The following CAPZA1 variants were observed in gnomAD, a reference collection of about 807,000 sequenced individuals.
CAPZA1 encodes the protein F-actin-capping protein subunit alpha-1.
CAPZA1 carries 10 observed loss-of-function variants against 40.8 expected under a neutral mutation model. That is an observed-to-expected ratio of 0.25 (90% CI 0.15 to 0.42). CAPZA1 has a LOEUF of 0.42. CAPZA1 is among the 10% of genes least tolerant of loss of function. The pLI, the probability that CAPZA1 is intolerant of heterozygous loss-of-function variation, is 1.00. For missense variants in CAPZA1, 277 were observed against 353.8 expected, an observed-to-expected ratio of 0.78 and a Z score of 1.74; for synonymous variants, 98 against 115.0, an observed-to-expected ratio of 0.85 and a Z score of 0.95.
intron 1 of CAPZA1, among the ~76,000 whole-genome samples, chr1:112,644,903 A>T (rs1203020249): frequency 6.6e-6 from 1 of 152,200 alleles, no homozygotes; most frequent in Non-Finnish European, 1.5e-5. Context: ...TTTAAGAATC[A>T]AGAAGGAAAG....
At chr1:112,657,870 G>C (rs912752751) in intron 5 of CAPZA1, among the ~76,000 whole-genome samples, 1 of 152,178 alleles carries the variant, frequency 6.6e-6, no homozygotes. Flanking sequence ...GGGGTTACAG[G>C]CTTGAGCCAT....
intron 1 of CAPZA1, among the ~76,000 whole-genome samples, chr1:112,639,657 T>G (rs985928602): frequency 2.0e-5 from 3 of 152,182 alleles, no homozygotes; most frequent in Non-Finnish European, 4.4e-5. Context: ...AGTTTTCATG[T>G]CACTCAGTAG....
At chr1:112,638,670 C>T (rs1671068187) in intron 1 of CAPZA1, among the ~76,000 whole-genome samples, 1 of 151,952 alleles carries the variant, frequency 6.6e-6, no homozygotes, top group Non-Finnish European at 1.5e-5. Context: ...CACAGTGGCT[C>T]GCATCTGTAA....
intron 7 of CAPZA1, 183 bp from the exon 8 acceptor site, chr1:112,666,891 C>G: frequency 3.7e-6 from 2 of 542,060 alleles, no homozygotes; most frequent in Non-Finnish European, 6.6e-6. Context: ...CGTTCTTAAA[C>G]TTAAGTGTTC....
chr1:112,667,128 G>C lies in CAPZA1; in HGVS notation c.640G>C (p.Asp214His), dbSNP rs761663099. The change falls in exon 8 of 10, where the codon GAT (aspartate) becomes CAT (histidine). Residue 214 changes from aspartate (D) to histidine (H), a missense_variant. By Grantham distance (81) the Asp-to-His change is moderately conservative. Around this residue, in one of 2 missense-constraint regions of CAPZA1, gnomAD observed 192 missense variants for 277.2 expected, o/e 0.69. Coordinates refer to ENST00000263168, the MANE Select transcript of CAPZA1 (RefSeq NM_006135.3). The stretch of plus-strand genomic sequence containing the variant: ...GTTGGTTAGTCATAAAGATGTACAG[G>C]ATTCACTAACTGTTTCGGTGAGTAT... ...VQLVSHKDVQDSLTVSNEAQT... is the reference protein window; with the variant it reads ...VQLVSHKDVQHSLTVSNEAQT... The C allele has an allele frequency of 7.5e-6, 12 of 1,609,024 alleles. No individual in the cohort carries two copies. The Admixed American group carries it at 1.7e-4, about 23-fold the overall frequency.
Position 112,649,462 on chromosome 1 carries a change from G to T in CAPZA1, c.148G>T (p.Ala50Ser). ...LNNDNLLREG[A>S]AHAFAQYNMD... The stretch of plus-strand genomic sequence containing the variant: ...TAATGACAATCTCCTCAGGGAAGGG[G>T]CAGCACAGTAAGTATCTTTCCAAAT... The change falls in exon 3 of 10, where the codon GCA becomes TCA. Residue 50 changes from alanine (A) to serine (S), a missense_variant. Physicochemically the swap from Ala to Ser is moderately conservative, Grantham distance 99. Transcript: ENST00000263168. The T allele has an allele frequency of 6.2e-7, 1 of 1,610,660 alleles. No individual in the cohort carries two copies. The highest frequency in any genetic ancestry group is 1.3e-5 in the African/African-American group (1 of 74,906).
chr1:112,657,470 C>T (rs1671520812), intron 5 of CAPZA1, among the ~76,000 whole-genome samples: 1 of 152,204 alleles, frequency 6.6e-6, no homozygotes, highest in African/African-American at 2.4e-5. Context: ...ACTAATGGTT[C>T]CTGAGTTACC....
chr1:112,649,189 C>G (rs1671339647), intron 2 of CAPZA1, among the ~76,000 whole-genome samples: 1 of 152,192 alleles, frequency 6.6e-6, no homozygotes. Context: ...TTTCTGTAAA[C>G]CATGTTTGTC....
chr1:112,658,324 CTT>C (rs1293863985), intron 5 of CAPZA1, among the ~76,000 whole-genome samples: 3 of 152,136 alleles, frequency 2.0e-5, no homozygotes, highest in South Asian at 2.1e-4. Context: ...TTTAGTCACT[CTT>C]GAGTTCCTTC....
chr1:112,657,792 A>G (rs1293287124), intron 5 of CAPZA1, among the ~76,000 whole-genome samples: 1 of 151,946 alleles, frequency 6.6e-6, no homozygotes, highest in Non-Finnish European at 1.5e-5. Flanking sequence ...GGGTTTCACC[A>G]TGTTGGCCGG....
At position 112,670,210 on chromosome 1, in the gene CAPZA1, A is replaced by C. The variant is rs1178721782; in HGVS notation, c.*78A>C. On this transcript the variant is annotated 3_prime_UTR_variant, in exon 10 of 10. Transcript: ENST00000263168. ...GTCATATGATAAATAAGTGATTTAT[A>C]AACAAGAGTGATATTTTGCTAGGGC... 274 of 1,525,744 alleles carry C rather than the reference A, an allele frequency of 1.8e-4. No homozygotes were observed. The highest frequency in any genetic ancestry group is 2.4e-4 in the Non-Finnish European group (270 of 1,109,580). 94.5% of individuals were successfully genotyped at this position (1,525,744 alleles called of 1,614,324 possible).
chr1:112,656,901 A>ATTT (rs1257392180), intron 5 of CAPZA1, among the ~76,000 whole-genome samples: 3 of 139,098 alleles, frequency 2.2e-5, no homozygotes, highest in Admixed American at 7.2e-5. Flanking sequence ...ACTGACAGAA[A>ATTT]TTTTTTTTTT....
chr1:112,668,118 C>G (rs183797021), intron 8 of CAPZA1, among the ~76,000 whole-genome samples: 1 of 151,830 alleles, frequency 6.6e-6, no homozygotes, highest in East Asian at 2.0e-4. Context: ...AACCCTGTCT[C>G]TACAAAAAAA....
At chr1:112,638,961 T>C (rs898045659) in intron 1 of CAPZA1, among the ~76,000 whole-genome samples, 3 of 131,606 alleles carry the variant, frequency 2.3e-5, no homozygotes, top group African/African-American at 1.1e-4. Flanking sequence ...GATAGAGATA[T>C]ATATAGAGAG....
intron 7 of CAPZA1, among the ~76,000 whole-genome samples, chr1:112,662,302 G>T (rs185912055): frequency 2.0e-5 from 3 of 151,186 alleles, no homozygotes. Context: ...GTAGAGTCGG[G>T]GTCTCACTAT....
chr1:112,669,514 G>T (rs376847770), intron 8 of CAPZA1, 29 bp from the exon 9 acceptor site: 112 of 1,539,324 alleles, frequency 7.3e-5, no homozygotes, highest in Non-Finnish European at 8.7e-5. Flanking sequence ...AAAAAAATCT[G>T]ATTTTCCCCT....
chr1:112,666,222 T>C (rs1211266627), intron 7 of CAPZA1, among the ~76,000 whole-genome samples: 1 of 152,244 alleles, frequency 6.6e-6, no homozygotes, highest in East Asian at 1.9e-4. Flanking sequence ...GTGAGTTCTT[T>C]GTTCTTCTCC....
intron 1 of CAPZA1, among the ~76,000 whole-genome samples, chr1:112,629,424 T>C (rs1670877801): frequency 6.6e-6 from 1 of 152,238 alleles, no homozygotes; most frequent in African/African-American, 2.4e-5. Flanking sequence ...CTTAATCTTC[T>C]CTGTTGTCTT....
At chr1:112,660,100 A>G (rs1671575683) in intron 7 of CAPZA1, among the ~76,000 whole-genome samples, 1 of 151,962 alleles carries the variant, frequency 6.6e-6, no homozygotes, top group Non-Finnish European at 1.5e-5. Context: ...ATTTTTTGGG[A>G]CAGAGTTTCA....
Sources: gnomAD v4.1 joint callset for allele counts (sites outside exome capture counted in the v4.1 genomes callset) on GRCh38, gnomAD v4.1.1 for gene constraint, gnomAD v4.1.1 regional missense constraint, MANE v1.5 for transcripts, NCBI Gene and HGNC (gene_info 2026-07-23, HGNC 2026-07-21) for gene names.